Variants in ESR1 observed in about 807,000 individuals in gnomAD.
The protein encoded by ESR1 is estrogen receptor.
ESR1 carries 12 observed loss-of-function variants against 52.7 expected under a neutral mutation model. That is an observed-to-expected ratio of 0.23 (90% CI 0.15 to 0.37). The LOEUF is 0.37. Ranked by LOEUF, ESR1 falls within the 10% of genes least tolerant of loss-of-function variation. The pLI, the probability that ESR1 is intolerant of heterozygous loss-of-function variation, is 1.00. For synonymous variants in ESR1, 305 were observed against 316.8 expected (o/e 0.96, Z 0.39); for missense variants, 584 against 779.7 (o/e 0.75, Z 2.99).
At chr6:151,702,906 C>T (rs1779903992) in intron 2 of ESR1, among the ~76,000 whole-genome samples, 1 of 152,162 alleles carries the variant, frequency 6.6e-6, no homozygotes, top group Non-Finnish European at 1.5e-5. Context: ...CAGTAGCAGG[C>T]ATGTGATATA....
At chr6:152,066,271 C>G (rs1384530059) in intron 6 of ESR1, among the ~76,000 whole-genome samples, 1 of 152,212 alleles carries the variant, frequency 6.6e-6, no homozygotes, top group Admixed American at 6.5e-5. Context: ...TTCTCCAGAT[C>G]TGGATTGTTT....
chr6:152,005,089 A>G (rs989854159), intron 4 of ESR1, among the ~76,000 whole-genome samples: 6 of 152,038 alleles, frequency 3.9e-5, no homozygotes, highest in Non-Finnish European at 5.9e-5. Flanking sequence ...TCCCAAGGCA[A>G]ATAGACAGCA....
At chr6:151,971,911 G>A (rs1370642274) in intron 4 of ESR1, among the ~76,000 whole-genome samples, 3 of 152,096 alleles carry the variant, frequency 2.0e-5, no homozygotes, top group African/African-American at 7.2e-5. Context: ...TATAACACTA[G>A]TGAGATTAAC....
rs537832292 is a variant in ESR1, at chr6:152,051,168, A to G, written c.1236-9823A>G. Among the ~76,000 whole-genome samples the G allele has an allele frequency of 4.6e-5, 7 of 152,246 alleles. No individual in the cohort carries two copies. In the South Asian group the frequency reaches 1.2e-3, roughly 27 times the overall value. ...CTATAATACTTTCTATTCTCTTATC[A>G]TAAACAGTTTTCTGATTTCATTTTC... On this transcript the variant is annotated intron_variant, in intron 5 of 7. Transcript: ENST00000206249.
rs182884214 is a variant in ESR1, at chr6:151,690,807, T to G, written c.-202+143T>G. 2.6e-5 allele frequency: 4 copies of G among 152,360 alleles called. No individual in the cohort carries two copies. The East Asian group carries it at 7.7e-4, about 29-fold the overall frequency. 9.4% of individuals were successfully genotyped at this position (152,360 alleles called of 1,614,324 possible). A position where few individuals can be genotyped will look rare whatever the true frequency, so the allele number is the denominator to read the frequency against. The stretch of plus-strand genomic sequence containing the variant: ...TTGTCTTTCTGCTCCAAGGATATTT[T>G]GCAAAGTTACTGGCAAGTATTCCTG... On this transcript the variant is annotated intron_variant, in intron 1 of 2. Coordinates refer to the ESR1 transcript ENST00000404742.
intron 5 of ESR1, among the ~76,000 whole-genome samples, chr6:152,058,760 A>G (rs9397078): frequency 0.23 from 34,782 of 151,972 alleles, 5,960 homozygotes; most frequent in African/African-American, 0.47. Flanking sequence ...TGAGCATAAG[A>G]ACTAGTATGT....
chr6:151,905,381 A>G (rs1352825879), intron 3 of ESR1, among the ~76,000 whole-genome samples: 1 of 152,248 alleles, frequency 6.6e-6, no homozygotes, highest in Non-Finnish European at 1.5e-5. Flanking sequence ...AAGAGGATAC[A>G]ATATCCGGAC....
intron 2 of ESR1, among the ~76,000 whole-genome samples, chr6:151,770,982 G>T (rs1785466067): frequency 6.6e-6 from 1 of 152,164 alleles, no homozygotes; most frequent in Admixed American, 6.5e-5. Context: ...GACATATAAA[G>T]AAAGCACCTA....
rs2050864962 is a variant in ESR1 at position 152,099,066 on chromosome 6, A to G, written c.*100A>G. On this transcript the variant is annotated 3_prime_UTR_variant, in exon 8 of 8. Transcript: ENST00000206249. The stretch of plus-strand genomic sequence containing the variant: ...TTCTGTCTCCTGCATACACTCCGGC[A>G]TGCATCCAACACCAATGGCTTTCTA... 2.2e-6 allele frequency: 2 copies of G among 918,698 alleles called. No individual in the cohort carries two copies. The highest frequency in any genetic ancestry group is 2.0e-5 in the Admixed American group (1 of 50,400). 56.9% of individuals were successfully genotyped at this position (918,698 alleles called of 1,614,324 possible). A position where few individuals can be genotyped will look rare whatever the true frequency, so the allele number is the denominator to read the frequency against.
intron 2 of ESR1, among the ~76,000 whole-genome samples, chr6:151,798,445 T>A (rs1776917702): frequency 6.6e-6 from 1 of 152,228 alleles, no homozygotes. Flanking sequence ...GAATTATTGT[T>A]TCCTTCTGGA....
rs999455767 is a variant in ESR1, at chr6:152,088,714, G to A, written c.1370-5671G>A. Among the ~76,000 whole-genome samples, 6 of 152,272 alleles carry A rather than the reference G, an allele frequency of 3.9e-5. No homozygotes were observed. In the East Asian group the frequency reaches 1.2e-3, roughly 29 times the overall value. ...AGCAGAAAGAAGGCCCTCACCCAATGTGTCCCCTTGACCTAGGATTTCTCA... is the reference window on the plus strand; with the variant it reads ...AGCAGAAAGAAGGCCCTCACCCAATATGTCCCCTTGACCTAGGATTTCTCA... On this transcript the variant is annotated intron_variant, in intron 6 of 7. Transcript: ENST00000206249.
chr6:152,062,444 A>T (rs1163506459), intron 6 of ESR1, among the ~76,000 whole-genome samples: 1 of 152,240 alleles, frequency 6.6e-6, no homozygotes, highest in Non-Finnish European at 1.5e-5. Flanking sequence ...GTACTATTAC[A>T]CTAGGCAAGG....
In ESR1 at chr6:151,675,270, A is replaced by G. The variant is rs1000801540; in HGVS notation, n.73+18507A>G. On this transcript the variant is annotated intron_variant and non_coding_transcript_variant, in intron 1 of 2. Transcript: ENST00000473497. Reference sequence around the variant, plus strand: ...TTCACTAAGTACTCACTGAGGGTCTACTGTGTACCTGAGTCTAGCCAGAGG... The same window carrying G: ...TTCACTAAGTACTCACTGAGGGTCTGCTGTGTACCTGAGTCTAGCCAGAGG... 2.0e-5 allele frequency among the ~76,000 whole-genome samples: 3 copies of G among 152,224 alleles called. No individual in the cohort carries two copies. In the East Asian group the frequency reaches 5.8e-4, roughly 29 times the overall value.
At chr6:151,928,411 G>A (rs535779206) in intron 3 of ESR1, among the ~76,000 whole-genome samples, 3 of 152,258 alleles carry the variant, frequency 2.0e-5, no homozygotes, top group African/African-American at 7.2e-5. Context: ...TGCTGCTGCT[G>A]CCCAGCATTA....
At chr6:152,056,277 ATACATC>A (rs2047094990) in intron 5 of ESR1, among the ~76,000 whole-genome samples, 1 of 152,174 alleles carries the variant, frequency 6.6e-6, no homozygotes, top group Admixed American at 6.5e-5. Context: ...AGCTCTTTCA[ATACATC>A]TAATCTTGCC....
At chr6:152,020,548 T>G (rs1007837278) in intron 5 of ESR1, among the ~76,000 whole-genome samples, 1 of 152,094 alleles carries the variant, frequency 6.6e-6, no homozygotes, top group Admixed American at 6.6e-5. Context: ...CCTCCTGGGT[T>G]CAAGCAATTC....
chr6:151,947,343 G>A (rs2035819098), intron 4 of ESR1, among the ~76,000 whole-genome samples: 2 of 151,980 alleles, frequency 1.3e-5, no homozygotes, highest in South Asian at 2.1e-4. Flanking sequence ...GAAGGAAATA[G>A]TAAATGTCAT....
chr6:152,042,032 T>C lies in ESR1; in HGVS notation c.1236-18959T>C, dbSNP rs572402072. 3.7e-4 allele frequency among the ~76,000 whole-genome samples: 57 copies of C among 152,324 alleles called. 2 individuals carry two copies. The South Asian group carries it at 0.011, about 28-fold the overall frequency. The stretch of plus-strand genomic sequence containing the variant: ...CTTCTGCACAGGCCAAACAGGAAAG[T>C]TGAACGGGGATGTGGTGGGAATCGC... On this transcript the variant is annotated intron_variant, in intron 5 of 7. Coordinates refer to ENST00000206249, the MANE Select transcript of ESR1 (RefSeq NM_000125.4).
rs373866771 is a variant in ESR1, at chr6:152,114,350, C to T, written c.851-10916C>T. Among the ~76,000 whole-genome samples, 8 of 152,202 alleles carry T rather than the reference C, an allele frequency of 5.3e-5. No individual in the cohort carries two copies. In the South Asian group the frequency reaches 1.0e-3, roughly 20 times the overall value. On this transcript the variant is annotated intron_variant, in intron 6 of 6. Transcript: ENST00000427531. ...AGGCAGGTGGTAGTTTAGGAAGTTG[C>T]GGGTTTTTGTGAACATGTAGGTCTC...
Sources: allele counts gnomAD v4.1 joint callset (sites outside exome capture counted in the v4.1 genomes callset), GRCh38; gene constraint gnomAD v4.1.1; transcripts MANE v1.5; gene names NCBI Gene and HGNC (gene_info 2026-07-23, HGNC 2026-07-21).